The following CFAP47 variants were observed in gnomAD, a reference collection of about 807,000 sequenced individuals.
The protein encoded by CFAP47 is cilia and flagella associated protein 47.
CFAP47 carries 29 observed loss-of-function variants against 148.1 expected under a neutral mutation model. The ratio of observed to expected loss-of-function variants is 0.20; its 90% CI spans 0.15 to 0.27. The LOEUF is 0.27. Among genes scored for constraint, CFAP47 ranks in the 10% least tolerant of loss-of-function variants. CFAP47 has a pLI of 1.00. For missense variants in CFAP47, 1,872 were observed against 1,697.5 expected, an observed-to-expected ratio of 1.10 and a Z score of -1.81; for synonymous variants, 664 against 577.3, an observed-to-expected ratio of 1.15 and a Z score of -2.15.
rs1462063219 is a variant in CFAP47 at position 36,172,221 on chromosome X, A to G, written c.6027-7124A>G. On this transcript the variant is annotated intron_variant, in intron 39 of 63. Transcript: ENST00000378653. Reference sequence around the variant, plus strand: ...GGGCTGAGACAATGGGGTTTTCTAGATATACAATCATGTCATCTGCAAACA... The same window carrying G: ...GGGCTGAGACAATGGGGTTTTCTAGGTATACAATCATGTCATCTGCAAACA... Among the ~76,000 whole-genome samples, 358 of 98,361 alleles carry G rather than the reference A, an allele frequency of 3.6e-3. 4 individuals carry two copies. Among genetic ancestry groups the G allele is most frequent in the African/African-American group, 0.012 (349 of 28,182 alleles). 85.4% of individuals were successfully genotyped at this position (98,361 alleles called of 115,157 possible). A position where few individuals can be genotyped will look rare whatever the true frequency, so the allele number is the denominator to read the frequency against.
intron 37 of CFAP47, among the ~76,000 whole-genome samples, chrX:36,158,619 TC>T (rs1199260679): frequency 8.9e-6 from 1 of 111,895 alleles, no homozygotes; most frequent in East Asian, 2.8e-4. Context: ...GCCTCATACC[TC>T]ATCACAATCC....
Position 35,941,426 on chromosome X carries a change from C to T in CFAP47, c.517+28C>T, listed in dbSNP as rs770416036. 5.0e-6 allele frequency: 4 copies of T among 803,887 alleles called. No homozygotes were observed. In the Admixed American group the frequency reaches 1.4e-4, roughly 29 times the overall value. The allele number at this position is 803,887 out of a possible 1,213,427, so 66.2% of individuals were successfully genotyped here. A position where few individuals can be genotyped will look rare whatever the true frequency, so the allele number is the denominator to read the frequency against. Reference sequence around the variant, plus strand: ...AAATCCTTCCTGTCATATTTACTTACACTTTTAGAAGAGTTGGTATTATTT... The same window carrying T: ...AAATCCTTCCTGTCATATTTACTTATACTTTTAGAAGAGTTGGTATTATTT... On this transcript the variant is annotated intron_variant, in intron 3 of 63. Coordinates refer to ENST00000378653, the MANE Select transcript of CFAP47 (RefSeq NM_001304548.2).
chrX:36,095,853 T>C (rs1938266829), intron 30 of CFAP47, among the ~76,000 whole-genome samples: 1 of 111,657 alleles, frequency 9.0e-6, no homozygotes, highest in South Asian at 3.6e-4. Context: ...CAGTTTCATG[T>C]ATTTCTGCTC....
chrX:36,076,169 CT>C (rs1247548053), intron 29 of CFAP47, among the ~76,000 whole-genome samples: 6 of 102,530 alleles, frequency 5.9e-5, no homozygotes, highest in Non-Finnish European at 7.8e-5. Flanking sequence ...ATTCACTTTT[CT>C]TTTTTTTCTT....
chrX:35,924,527 GCA>G (rs1935701192), intron 1 of CFAP47, among the ~76,000 whole-genome samples: 5 of 97,050 alleles, frequency 5.2e-5, no homozygotes, highest in Non-Finnish European at 9.9e-5. Context: ...GTGTATATAT[GCA>G]CATATATGTG....
intron 27 of CFAP47, among the ~76,000 whole-genome samples, chrX:36,071,369 T>C (rs1041589616): frequency 8.9e-6 from 1 of 112,254 alleles, no homozygotes; most frequent in African/African-American, 3.2e-5. Context: ...ACAAAAATGG[T>C]ATCAGTTCAT....
intron 35 of CFAP47, among the ~76,000 whole-genome samples, chrX:36,141,413 G>A (rs1340808593): frequency 1.8e-5 from 2 of 111,433 alleles, no homozygotes; most frequent in Non-Finnish European, 3.8e-5. Context: ...AAAGCAGAGA[G>A]TCCTCCTTCT....
chrX:36,382,310 C>T (rs184707100), intron 63 of CFAP47, among the ~76,000 whole-genome samples: 4 of 111,477 alleles, frequency 3.6e-5, no homozygotes, highest in African/African-American at 6.5e-5. Context: ...ATACAGTAAC[C>T]GCCACTATTC....
chrX:36,199,925 A>AT (rs1184111466), intron 42 of CFAP47, among the ~76,000 whole-genome samples: 1 of 111,317 alleles, frequency 9.0e-6, no homozygotes, highest in Non-Finnish European at 1.9e-5. Flanking sequence ...TGGTCTAATT[A>AT]TTTTTTCTAA....
intron 45 of CFAP47, among the ~76,000 whole-genome samples, chrX:36,226,436 T>C (rs918225633): frequency 6.4e-5 from 7 of 108,564 alleles, no homozygotes; most frequent in Non-Finnish European, 1.3e-4. Context: ...TACTGTCAAA[T>C]AAATATCTTA....
intron 48 of CFAP47, among the ~76,000 whole-genome samples, chrX:36,250,559 A>AT (rs1448752748): frequency 9.0e-6 from 1 of 110,574 alleles, no homozygotes; most frequent in Non-Finnish European, 1.9e-5. Flanking sequence ...GAGAGAATAG[A>AT]TTTTTTGTTC....
chrX:36,211,540 C>T (rs1387974784), intron 45 of CFAP47: 23 of 300,842 alleles, frequency 7.6e-5, no homozygotes, highest in Admixed American at 5.1e-4. Flanking sequence ...GAAAAGCAGC[C>T]TCATGAAAAG....
Position 36,236,871 on chromosome X carries a change from T to G in CFAP47, c.7332+12T>G. Reference sequence around the variant, plus strand: ...CCCTAACATTTAAGGTAAGAATTTATTTTTAGTGTGAAAGTGTTTTTTTCT... The same window carrying G: ...CCCTAACATTTAAGGTAAGAATTTAGTTTTAGTGTGAAAGTGTTTTTTTCT... On this transcript the variant is annotated intron_variant, in intron 48 of 63. Coordinates refer to ENST00000378653, the MANE Select transcript of CFAP47 (RefSeq NM_001304548.2). 2.3e-6 allele frequency: 1 copy of G among 442,023 alleles called. No homozygotes were observed. The highest frequency in any genetic ancestry group is 4.0e-6 in the Non-Finnish European group (1 of 248,566). 36.4% of individuals were successfully genotyped at this position (442,023 alleles called of 1,213,427 possible). A position where few individuals can be genotyped will look rare whatever the true frequency, so the allele number is the denominator to read the frequency against.
intron 2 of CFAP47, among the ~76,000 whole-genome samples, chrX:35,928,864 T>G (rs73466954): frequency 0.039 from 4,320 of 111,246 alleles, 203 homozygotes; most frequent in African/African-American, 0.13. Flanking sequence ...TCTAATTATT[T>G]CCTATAGATG....
intron 36 of CFAP47, among the ~76,000 whole-genome samples, chrX:36,148,707 C>G (rs1436464124): frequency 9.0e-6 from 1 of 111,675 alleles, no homozygotes; most frequent in Non-Finnish European, 1.9e-5. Flanking sequence ...CACTGAGCAG[C>G]CAGAGTATCC....
At chrX:36,288,399 G>A (rs1435592992) in intron 51 of CFAP47, among the ~76,000 whole-genome samples, 1 of 111,861 alleles carries the variant, frequency 8.9e-6, no homozygotes, top group African/African-American at 3.2e-5. Flanking sequence ...GGAGAATGAT[G>A]ACAATAACCC....
At chrX:36,346,937 T>A (rs141804287) in intron 57 of CFAP47, among the ~76,000 whole-genome samples, 5,408 of 111,457 alleles carry the variant, frequency 0.049, 323 homozygotes, top group African/African-American at 0.17. Context: ...AATTGACAAA[T>A]GGGATGTAAT....
At chrX:35,925,579 A>G (rs1935725769) in intron 1 of CFAP47, among the ~76,000 whole-genome samples, 1 of 112,169 alleles carries the variant, frequency 8.9e-6, no homozygotes, top group Admixed American at 9.4e-5. Flanking sequence ...AAAATTAGAA[A>G]GTCTTTGGCA....
At chrX:36,046,566 T>C (rs1937469288) in intron 25 of CFAP47, among the ~76,000 whole-genome samples, 1 of 111,228 alleles carries the variant, frequency 9.0e-6, no homozygotes, top group South Asian at 3.7e-4. Flanking sequence ...ATTTCTATCA[T>C]GATGGTGATT....
Sources: gnomAD v4.1 joint callset for allele counts (sites outside exome capture counted in the v4.1 genomes callset) on GRCh38, gnomAD v4.1.1 for gene constraint, MANE v1.5 for transcripts, NCBI Gene and HGNC (gene_info 2026-07-23, HGNC 2026-07-21) for gene names.